Variants in SHANK2 observed in about 807,000 individuals in gnomAD.
SHANK2 encodes SH3 and multiple ankyrin repeat domains 2.
In SHANK2, 43 loss-of-function variants were observed where a neutral mutation model predicts 133.7. That is an observed-to-expected ratio of 0.32 (90% CI 0.25 to 0.41). The LOEUF (loss-of-function observed/expected upper bound fraction) is 0.41, where lower values mean the gene tolerates loss of function less well. SHANK2 is among the 10% of genes least tolerant of loss of function. The pLI is 1.00. For missense variants in SHANK2, 1,994 were observed against 2,235.8 expected (o/e 0.89, Z 2.18); for synonymous variants, 1,017 against 952.8 (o/e 1.07, Z -1.24).
At chr11:70,744,684 A>G (rs1946601760) in intron 14 of SHANK2, among the ~76,000 whole-genome samples, 1 of 152,184 alleles carries the variant, frequency 6.6e-6, no homozygotes, top group Non-Finnish European at 1.5e-5. Context: ...TGGGGACCGA[A>G]GTGCCAGCGT....
chr11:70,548,339 C>T lies in SHANK2; in HGVS notation c.2062-45408G>A, dbSNP rs370415664. ...TAACAATCGATGGATGGCTGGATTT[C>T]CCTTCCTACTGGGACTGCCCTGATC... is the stretch of plus-strand genomic sequence containing the variant. On this transcript the variant is annotated intron_variant, in intron 17 of 25. Transcript: ENST00000601538. Among the ~76,000 whole-genome samples the T allele has an allele frequency of 7.4e-4, 112 of 152,348 alleles. 1 individual carries two copies. In the East Asian group the frequency reaches 0.016, roughly 22 times the overall value.
intron 14 of SHANK2, among the ~76,000 whole-genome samples, chr11:70,769,944 G>T (rs1358012297): frequency 2.0e-5 from 3 of 152,198 alleles, no homozygotes; most frequent in African/African-American, 4.8e-5. Context: ...GAGGCTGAAG[G>T]GGGTGGGCAT....
At chr11:71,062,147 G>A (rs1425517253) in intron 9 of SHANK2, among the ~76,000 whole-genome samples, 1 of 151,774 alleles carries the variant, frequency 6.6e-6, no homozygotes, top group Non-Finnish European at 1.5e-5. Flanking sequence ...GTAGAGACAG[G>A]GTTTCACCAT....
At chr11:70,720,408 G>A (rs1555028721) in intron 14 of SHANK2, among the ~76,000 whole-genome samples, 4 of 152,208 alleles carry the variant, frequency 2.6e-5, no homozygotes, top group Non-Finnish European at 5.9e-5. Flanking sequence ...ATGGGTGATG[G>A]GACTGGAGGA....
rs182559312 is a variant in SHANK2 at position 71,132,826 on chromosome 11, T to C, written c.208-13794A>G. On this transcript the variant is annotated intron_variant, in intron 3 of 25. Coordinates refer to ENST00000601538, the MANE Select transcript of SHANK2 (RefSeq NM_012309.5). Reference sequence around the variant, plus strand: ...GCCTTCCCTTTTTTTCTAAACAATTTGTAACTCACCAGTTTCTTGACTAAA... The same window carrying C: ...GCCTTCCCTTTTTTTCTAAACAATTCGTAACTCACCAGTTTCTTGACTAAA... 1.4e-4 allele frequency among the ~76,000 whole-genome samples: 22 copies of C among 152,320 alleles called. No homozygotes were observed. The East Asian group carries it at 4.2e-3, about 29-fold the overall frequency.
At chr11:71,246,387 G>C (rs1954961256) in intron 1 of SHANK2, among the ~76,000 whole-genome samples, 2 of 152,016 alleles carry the variant, frequency 1.3e-5, no homozygotes, top group African/African-American at 4.8e-5. Context: ...GGAAGACGTG[G>C]GGCAGGACAC....
chr11:70,762,959 C>T (rs1195308818), intron 14 of SHANK2, among the ~76,000 whole-genome samples: 2 of 152,222 alleles, frequency 1.3e-5, no homozygotes, highest in Non-Finnish European at 2.9e-5. Flanking sequence ...GGAGCACGCT[C>T]ACCTGCACAC....
chr11:70,625,206 T>C (rs1244809893), intron 17 of SHANK2, among the ~76,000 whole-genome samples: 2 of 152,068 alleles, frequency 1.3e-5, no homozygotes, highest in African/African-American at 4.8e-5. Context: ...CCTGGGAAAG[T>C]GGGGATAAGT....
At chr11:70,928,614 A>G (rs1315104866) in intron 10 of SHANK2, among the ~76,000 whole-genome samples, 1 of 151,478 alleles carries the variant, frequency 6.6e-6, no homozygotes, top group East Asian at 2.0e-4. Flanking sequence ...CCTGGGGGGG[A>G]AGAGGAAGAC....
intron 17 of SHANK2, among the ~76,000 whole-genome samples, 181 bp from the exon 18 acceptor site, chr11:70,503,112 G>A (rs1019200752): frequency 1.4e-4 from 21 of 152,230 alleles, no homozygotes; most frequent in African/African-American, 4.8e-4. Flanking sequence ...AATGAATGCT[G>A]CTGTGACTGT....
At chr11:70,725,286 A>G (rs1946155499) in intron 14 of SHANK2, among the ~76,000 whole-genome samples, 1 of 152,230 alleles carries the variant, frequency 6.6e-6, no homozygotes, top group Non-Finnish European at 1.5e-5. Context: ...GCAACATTTA[A>G]CTTATTTGCA....
intron 1 of SHANK2, among the ~76,000 whole-genome samples, chr11:71,246,011 A>G (rs1314305520): frequency 2.0e-5 from 3 of 152,034 alleles, no homozygotes; most frequent in African/African-American, 7.3e-5. Context: ...CATGGACAGG[A>G]ACGGCTGAGC....
chr11:70,787,512 TCAC>T (rs1555046919), intron 14 of SHANK2, among the ~76,000 whole-genome samples: 1 of 58,042 alleles, frequency 1.7e-5, no homozygotes, highest in Non-Finnish European at 5.9e-5. Context: ...ACCACCATCA[TCAC>T]CAAGACCACC....
At chr11:71,159,225 C>T (rs1555109507) in intron 2 of SHANK2, among the ~76,000 whole-genome samples, 1 of 152,202 alleles carries the variant, frequency 6.6e-6, no homozygotes, top group South Asian at 2.1e-4. Flanking sequence ...CAATCCACTT[C>T]CTTGCCTTTC....
At chr11:70,721,147 G>A (rs188641425) in intron 14 of SHANK2, among the ~76,000 whole-genome samples, 5 of 152,274 alleles carry the variant, frequency 3.3e-5, no homozygotes, top group East Asian at 1.9e-4. Context: ...CTCCACCGAC[G>A]TCTAGGGAGA....
intron 17 of SHANK2, among the ~76,000 whole-genome samples, chr11:70,623,764 G>C (rs1325408028): frequency 2.6e-5 from 4 of 152,216 alleles, no homozygotes; most frequent in African/African-American, 9.7e-5. Context: ...GCTGTGTGTG[G>C]CCAGTGGTGC....
Position 71,188,909 on chromosome 11 carries a change from G to C in SHANK2, c.-13+35788C>G, listed in dbSNP as rs1303940921. ...CAAGGTGGGTGGAAGCAAACCCTGGGGTTCTCTCAATACAGCAGGAGCGGG... is the reference window on the plus strand; with the variant it reads ...CAAGGTGGGTGGAAGCAAACCCTGGCGTTCTCTCAATACAGCAGGAGCGGG... On this transcript the variant is annotated intron_variant, in intron 2 of 25. Transcript: ENST00000601538. This position sits in a 1 kb window ranked among gnomAD's most constrained non-coding sequence, Gnocchi z 4.6. Among the ~76,000 whole-genome samples the C allele has an allele frequency of 1.1e-4, 17 of 152,150 alleles. No individual in the cohort carries two copies. Among genetic ancestry groups the C allele is most frequent in the African/African-American group, 4.1e-4 (17 of 41,434 alleles).
intron 15 of SHANK2, among the ~76,000 whole-genome samples, chr11:70,686,431 T>C (rs1163036440): frequency 1.4e-5 from 2 of 147,596 alleles, no homozygotes; most frequent in South Asian, 2.2e-4. Flanking sequence ...CATCCATCCA[T>C]TCATCTATCT....
chr11:71,126,762 T>C (rs2135308198), intron 3 of SHANK2, among the ~76,000 whole-genome samples: 1 of 148,922 alleles, frequency 6.7e-6, no homozygotes, highest in African/African-American at 2.5e-5. Flanking sequence ...AGTCTCATTC[T>C]GTCACCCAGG....
Sources: gnomAD v4.1 joint callset for allele counts (sites outside exome capture counted in the v4.1 genomes callset) on GRCh38, gnomAD v4.1.1 for gene constraint, Gnocchi (gnomAD v3.1) non-coding constraint, MANE v1.5 for transcripts, NCBI Gene and HGNC (gene_info 2026-07-23, HGNC 2026-07-21) for gene names.